PDS5A: variants seen among roughly 807,000 people sequenced by gnomAD.
PDS5A encodes sister chromatid cohesion protein PDS5 homolog A.
PDS5A carries 42 observed loss-of-function variants against 167.1 expected under a neutral mutation model. That is an observed-to-expected ratio of 0.25 (90% CI 0.20 to 0.33). The LOEUF is 0.33. Ranked by LOEUF, PDS5A falls within the 10% of genes least tolerant of loss-of-function variation. The probability of loss-of-function intolerance (pLI) is 1.00; values close to 1 mark genes in which losing one functional copy is unlikely to be tolerated. For synonymous variants in PDS5A, 553 were observed against 554.6 expected, an observed-to-expected ratio of 1.00 and a Z score of 0.04; for missense variants, 1,033 against 1,605.9, an observed-to-expected ratio of 0.64 and a Z score of 6.10.
At chr4:39,918,216 C>T (rs1317238052) in intron 7 of PDS5A, among the ~76,000 whole-genome samples, 9 of 146,742 alleles carry the variant, frequency 6.1e-5, no homozygotes, top group Non-Finnish European at 1.0e-4. Flanking sequence ...ATAATTTTTC[C>T]ATGAGTTTAG....
intron 26 of PDS5A, among the ~76,000 whole-genome samples, chr4:39,856,960 G>C (rs1718575018): frequency 6.6e-6 from 1 of 152,186 alleles, no homozygotes; most frequent in Non-Finnish European, 1.5e-5. Context: ...TACAGATGTA[G>C]AAGAGCAATG....
At chr4:39,872,051 G>A (rs1017397383) in intron 21 of PDS5A, among the ~76,000 whole-genome samples, 1 of 151,928 alleles carries the variant, frequency 6.6e-6, no homozygotes, top group Non-Finnish European at 1.5e-5. Context: ...CATTTGGGGA[G>A]TCTTTTCAAT....
chr4:39,867,733 A>AACACACACACAC lies in PDS5A; in HGVS notation c.2506-748_2506-737dup, dbSNP rs142147688. Reference sequence around the variant, plus strand: ...AAACTCTGTTTCATAAAAAAACCAAAACACACACACACACACACACACACA... The same window carrying AACACACACACAC: ...AAACTCTGTTTCATAAAAAAACCAAAACACACACACACACACACACACACACACACACACACA... On this transcript the variant is annotated intron_variant, in intron 22 of 32. Coordinates refer to ENST00000303538, the MANE Select transcript of PDS5A (RefSeq NM_001100399.2). 3.6e-3 allele frequency among the ~76,000 whole-genome samples: 473 copies of AACACACACACAC among 130,690 alleles called. 1 individual carries two copies. The highest frequency in any genetic ancestry group is 5.7e-3 in the Non-Finnish European group (364 of 64,194). 85.7% of individuals were successfully genotyped at this position (130,690 alleles called of 152,430 possible). A position where few individuals can be genotyped will look rare whatever the true frequency, so the allele number is the denominator to read the frequency against.
At chr4:39,971,664 T>C (rs182087000) in intron 2 of PDS5A, among the ~76,000 whole-genome samples, 6 of 152,280 alleles carry the variant, frequency 3.9e-5, no homozygotes, top group African/African-American at 1.4e-4. Flanking sequence ...TTCACCATGT[T>C]GGCCAGGCTG....
intron 2 of PDS5A, among the ~76,000 whole-genome samples, chr4:39,962,428 T>G (rs1201632879): frequency 6.6e-6 from 1 of 152,212 alleles, no homozygotes; most frequent in African/African-American, 2.4e-5. Context: ...TGTTTAATTA[T>G]TCTCACACAG....
At chr4:39,901,110 C>T (rs538113255) in intron 13 of PDS5A, among the ~76,000 whole-genome samples, 1 of 152,176 alleles carries the variant, frequency 6.6e-6, no homozygotes, top group African/African-American at 2.4e-5. Flanking sequence ...GCCCAGATGA[C>T]CTCTGAGAAT....
At chr4:39,938,465 G>C (rs1159943107) in intron 2 of PDS5A, among the ~76,000 whole-genome samples, 2 of 152,092 alleles carry the variant, frequency 1.3e-5, no homozygotes, top group Non-Finnish European at 2.9e-5. Context: ...TGAGGCAGGA[G>C]AATCACTTGA....
At chr4:39,833,113 C>T (rs762548403) in intron 32 of PDS5A, among the ~76,000 whole-genome samples, 10 of 139,344 alleles carry the variant, frequency 7.2e-5, no homozygotes, top group Non-Finnish European at 1.5e-4. Context: ...ATTGCTTGAA[C>T]CTAGGAGGCA....
intron 26 of PDS5A, among the ~76,000 whole-genome samples, chr4:39,861,987 C>T (rs548645772): frequency 6.6e-6 from 1 of 152,132 alleles, no homozygotes; most frequent in South Asian, 2.1e-4. Flanking sequence ...TAACCTATTT[C>T]AAAGACTTAG....
chr4:39,976,222 G>A (rs1431990068), intron 2 of PDS5A: 1 of 360,372 alleles, frequency 2.8e-6, no homozygotes, highest in Non-Finnish European at 5.0e-6. Context: ...TTGAAAACCA[G>A]TAAGTTTTTG....
chr4:39,913,220 G>C (rs918863367), intron 9 of PDS5A, among the ~76,000 whole-genome samples: 1 of 151,808 alleles, frequency 6.6e-6, no homozygotes, highest in African/African-American at 2.4e-5. Flanking sequence ...GCGTAGTTGC[G>C]GTTCCAGGTG....
intron 9 of PDS5A, 72 bp downstream of exon 9, chr4:39,913,539 T>C: frequency 1.2e-6 from 1 of 803,224 alleles, no homozygotes; most frequent in Non-Finnish European, 2.2e-6. Flanking sequence ...ATATGTATAG[T>C]TTTAATCAAG....
chr4:39,850,493 C>T (rs573670414), intron 26 of PDS5A, among the ~76,000 whole-genome samples: 16 of 152,108 alleles, frequency 1.1e-4, no homozygotes, highest in South Asian at 8.3e-4. Flanking sequence ...CACAGATTCA[C>T]CCTATAGGTA....
intron 12 of PDS5A, among the ~76,000 whole-genome samples, chr4:39,903,217 C>T (rs950874306): frequency 6.6e-6 from 1 of 152,156 alleles, no homozygotes. Context: ...AACAGGGGGA[C>T]CCCCCTTCAT....
chr4:39,887,370 A>C (rs1254973467), intron 17 of PDS5A, among the ~76,000 whole-genome samples: 1 of 152,198 alleles, frequency 6.6e-6, no homozygotes, highest in Non-Finnish European at 1.5e-5. Flanking sequence ...TAAAATGACT[A>C]TACGGTTTTT....
chr4:39,961,272 A>G (rs1257972910), intron 2 of PDS5A, among the ~76,000 whole-genome samples: 2 of 152,146 alleles, frequency 1.3e-5, no homozygotes, highest in Non-Finnish European at 2.9e-5. Flanking sequence ...AGGGAATTCA[A>G]GAAATCTTTT....
chr4:39,869,497 GAAA>G, intron 21 of PDS5A, 35 bp from the exon 22 acceptor site: 2 of 1,129,750 alleles, frequency 1.8e-6, no homozygotes, highest in East Asian at 2.5e-5. Flanking sequence ...CTATTAGCAT[GAAA>G]AAAAAAATTT....
chr4:39,960,140 C>T (rs1289208745), intron 2 of PDS5A, among the ~76,000 whole-genome samples: 2 of 151,756 alleles, frequency 1.3e-5, no homozygotes, highest in Admixed American at 6.6e-5. Flanking sequence ...CGTGGTGGCA[C>T]GCACCTGTAA....
At chr4:39,834,283 T>C in intron 32 of PDS5A, among the ~76,000 whole-genome samples, 1 of 152,144 alleles carries the variant, frequency 6.6e-6, no homozygotes, top group Admixed American at 6.6e-5. Context: ...GGCAATAGTT[T>C]TTTGGGATGC....
Sources: gnomAD v4.1 joint callset for allele counts (sites outside exome capture counted in the v4.1 genomes callset) on GRCh38, gnomAD v4.1.1 for gene constraint, MANE v1.5 for transcripts, NCBI Gene and HGNC (gene_info 2026-07-23, HGNC 2026-07-21) for gene names.